The following PCYT1B variants were observed in gnomAD, a reference collection of about 807,000 sequenced individuals.
PCYT1B encodes phosphate cytidylyltransferase 1B, choline, also known as choline-phosphate cytidylyltransferase B.
In PCYT1B, 10 loss-of-function variants were observed where a neutral mutation model predicts 26.4. That is an observed-to-expected ratio of 0.38 (90% CI 0.23 to 0.64). The LOEUF is 0.64. Among genes scored for constraint, PCYT1B ranks in the 30% least tolerant of loss-of-function variants. PCYT1B has a pLI of 0.56. For missense variants in PCYT1B, 161 were observed against 292.7 expected, an observed-to-expected ratio of 0.55 and a Z score of 3.28; for synonymous variants, 131 against 108.4, an observed-to-expected ratio of 1.21 and a Z score of -1.29.
chrX:24,590,221 G>T (rs745448353), intron 3 of PCYT1B, 47 bp from the exon 4 acceptor site: 123 of 1,113,586 alleles, frequency 1.1e-4, no homozygotes, highest in Non-Finnish European at 1.4e-4. Context: ...CCCAGGACCT[G>T]CTCACAGCCA....
intron 3 of PCYT1B, among the ~76,000 whole-genome samples, chrX:24,600,658 T>C (rs376534234): frequency 8.1e-5 from 9 of 110,970 alleles, no homozygotes; most frequent in South Asian, 3.8e-4. Context: ...AAAGTTTATA[T>C]GGAAAGGAAA....
At chrX:24,645,354 A>G (rs758727471) in intron 1 of PCYT1B, among the ~76,000 whole-genome samples, 43 of 109,870 alleles carry the variant, frequency 3.9e-4, no homozygotes, top group African/African-American at 1.3e-3. Flanking sequence ...ATATGTGTGT[A>G]TATATGTATA....
chrX:24,575,791 TG>T (rs1441665920), intron 6 of PCYT1B, among the ~76,000 whole-genome samples: 1 of 112,547 alleles, frequency 8.9e-6, no homozygotes, highest in Non-Finnish European at 1.9e-5. Context: ...GGCCATTAAC[TG>T]GGCCTTAGAA....
At chrX:24,565,368 C>T (rs1255516288) in intron 7 of PCYT1B, among the ~76,000 whole-genome samples, 1 of 110,905 alleles carries the variant, frequency 9.0e-6, no homozygotes, top group African/African-American at 3.3e-5. Flanking sequence ...CTTCTGGGGA[C>T]CAGGTGCTAC....
intron 1 of PCYT1B, among the ~76,000 whole-genome samples, chrX:24,646,767 G>A (rs1366011138): frequency 8.1e-5 from 9 of 111,338 alleles, no homozygotes; most frequent in African/African-American, 2.6e-4. Flanking sequence ...CATATCCCAA[G>A]CAGCCCGTTT....
In PCYT1B at chrX:24,654,747, C is replaced by T. The variant is rs1238619511; in HGVS notation, c.63+17823G>A. Among the ~76,000 whole-genome samples, 5 of 22,865 alleles carry T rather than the reference C, an allele frequency of 2.2e-4. No individual in the cohort carries two copies. The Admixed American group carries it at 2.5e-3, about 11-fold the overall frequency. 19.9% of individuals were successfully genotyped at this position (22,865 alleles called of 115,157 possible). On this transcript the variant is annotated intron_variant, in intron 1 of 7. Coordinates refer to the PCYT1B transcript ENST00000379145. ...CCTAGATGACAGAGTAAGACCCTGTCTCAAAAAAAAAAAAAAAAAAAAAAA... is the reference window on the plus strand; with the variant it reads ...CCTAGATGACAGAGTAAGACCCTGTTTCAAAAAAAAAAAAAAAAAAAAAAA...
intron 2 of PCYT1B, among the ~76,000 whole-genome samples, chrX:24,613,270 T>C (rs770348915): frequency 1.8e-5 from 2 of 112,351 alleles, no homozygotes; most frequent in Non-Finnish European, 3.8e-5. Context: ...TTTGTATAAC[T>C]GATGTGCAAA....
intron 5 of PCYT1B, among the ~76,000 whole-genome samples, 199 bp downstream of exon 5, chrX:24,587,042 A>G (rs765576995): frequency 8.9e-6 from 1 of 112,384 alleles, no homozygotes; most frequent in African/African-American, 3.2e-5. Context: ...TCATTCCTAT[A>G]TAAATACCTA....
chrX:24,562,730 CTTTT>C (rs61009568), intron 7 of PCYT1B, among the ~76,000 whole-genome samples: 1 of 90,086 alleles, frequency 1.1e-5, no homozygotes, highest in Admixed American at 1.2e-4. Flanking sequence ...CTTTTTTTCT[CTTTT>C]TTTTTTTTTT....
chrX:24,647,364 G>C, upstream of PCYT1B: 1 of 801,126 alleles, frequency 1.2e-6, no homozygotes, highest in South Asian at 4.7e-5. Flanking sequence ...GCTGGTGCGG[G>C]ATACAGTATC....
intron 1 of PCYT1B, among the ~76,000 whole-genome samples, chrX:24,628,652 T>G (rs748566415): frequency 9.0e-6 from 1 of 111,348 alleles, no homozygotes. Flanking sequence ...TCTTGCCGGA[T>G]AGACAGTTTT....
chrX:24,664,513 G>A (rs905026451), intron 1 of PCYT1B, among the ~76,000 whole-genome samples: 2 of 111,945 alleles, frequency 1.8e-5, no homozygotes, highest in East Asian at 2.8e-4. Flanking sequence ...TTGTGAAAGC[G>A]GGGCATCACT....
chrX:24,569,267 A>T (rs79143657), intron 7 of PCYT1B, among the ~76,000 whole-genome samples: 66 of 103,897 alleles, frequency 6.4e-4, no homozygotes, highest in South Asian at 2.4e-3. Context: ...ACGATTATTT[A>T]AAAAAAAAAA....
chrX:24,632,852 T>G, intron 1 of PCYT1B, among the ~76,000 whole-genome samples: 1 of 111,123 alleles, frequency 9.0e-6, no homozygotes. Context: ...AGGAATAAAT[T>G]CTAATGTTTG....
chrX:24,627,394 C>T (rs772543484), intron 1 of PCYT1B, among the ~76,000 whole-genome samples: 2 of 111,209 alleles, frequency 1.8e-5, no homozygotes, highest in African/African-American at 6.5e-5. Flanking sequence ...AGTGCAGTGG[C>T]GCGATCTCGG....
rs757623793 is a variant in PCYT1B at position 24,600,494 on chromosome X, G to A, written c.334+7251C>T. Among the ~76,000 whole-genome samples the A allele has an allele frequency of 1.5e-3, 169 of 110,983 alleles. 1 individual carries two copies. Among genetic ancestry groups the A allele is most frequent in the Non-Finnish European group, 3.0e-3 (157 of 53,049 alleles). ...GTGCTGGGATAGGAAAATTTAAACT[G>A]ACAAATCGCTGGCACCTCAGTGTGG... On this transcript the variant is annotated intron_variant, in intron 3 of 7. Transcript: ENST00000379144.
rs1010134710 is a variant in PCYT1B, at chrX:24,561,851, C to T, written c.*442G>A. On this transcript the variant is annotated 3_prime_UTR_variant, in exon 8 of 8. Coordinates refer to ENST00000379144, the MANE Select transcript of PCYT1B (RefSeq NM_004845.5). ...AGCACTTTGCCACCTCTATTGGAAA[C>T]AATTTTATTCTGGCAGAGCTGGGGT... 2 of 399,208 alleles carry T rather than the reference C, an allele frequency of 5.0e-6. No individual in the cohort carries two copies. The highest frequency in any genetic ancestry group is 8.4e-5 in the Admixed American group (2 of 23,950). 32.9% of individuals were successfully genotyped at this position (399,208 alleles called of 1,213,427 possible). A position where few individuals can be genotyped will look rare whatever the true frequency, so the allele number is the denominator to read the frequency against.
chrX:24,650,317 CTT>C (rs575150338), upstream of PCYT1B, among the ~76,000 whole-genome samples: 3,813 of 75,560 alleles, frequency 0.05, 241 homozygotes, highest in African/African-American at 0.17. Context: ...TATTATGTAG[CTT>C]TTTTTTTTTT....
upstream of PCYT1B, among the ~76,000 whole-genome samples, chrX:24,650,708 T>C (rs1438934055): frequency 2.7e-5 from 3 of 112,468 alleles, no homozygotes; most frequent in African/African-American, 9.7e-5. Flanking sequence ...TAGAGGATAT[T>C]TGTCAGTATA....
Sources: allele counts gnomAD v4.1 joint callset (sites outside exome capture counted in the v4.1 genomes callset), GRCh38; gene constraint gnomAD v4.1.1; transcripts MANE v1.5; gene names NCBI Gene and HGNC (gene_info 2026-07-23, HGNC 2026-07-21).